Variants in ACTR3 observed in about 807,000 individuals in gnomAD.
ACTR3 encodes actin related protein 3.
Under a neutral mutation model 56.8 loss-of-function variants are expected in ACTR3, and 12 were observed. The observed-to-expected ratio is 0.21, with a 90% confidence interval of 0.14 to 0.34. The LOEUF (loss-of-function observed/expected upper bound fraction) is 0.34, where lower values mean the gene tolerates loss of function less well. ACTR3 is among the 10% of genes least tolerant of loss of function. The probability of loss-of-function intolerance (pLI) is 1.00; values close to 1 mark genes in which losing one functional copy is unlikely to be tolerated. For synonymous variants in ACTR3, 162 were observed against 167.4 expected (o/e 0.97, Z 0.25); for missense variants, 282 against 512.5 (o/e 0.55, Z 4.34).
Position 113,890,230 on chromosome 2 carries a change from T to G in ACTR3, c.-50T>G. On this transcript the variant is annotated 5_prime_UTR_variant, in exon 1 of 12. Transcript: ENST00000263238. Reference sequence around the variant, plus strand: ...TCTCCCGCCGCCAATCTCTGGCCCCTAGCAGCACGGAGCAGACGGCGGCAG... The same window carrying G: ...TCTCCCGCCGCCAATCTCTGGCCCCGAGCAGCACGGAGCAGACGGCGGCAG... The G allele has an allele frequency of 6.5e-7, 1 of 1,550,154 alleles. No homozygotes were observed. The highest frequency in any genetic ancestry group is 8.7e-7 in the Non-Finnish European group (1 of 1,146,534).
At chr2:113,933,188 A>G (rs1033702224) in intron 5 of ACTR3, among the ~76,000 whole-genome samples, 2 of 152,196 alleles carry the variant, frequency 1.3e-5, no homozygotes, top group Admixed American at 6.5e-5. Context: ...TGTATGTCAT[A>G]TAGTCCTAAA....
intron 2 of ACTR3, among the ~76,000 whole-genome samples, chr2:113,915,623 C>T (rs1679390804): frequency 1.3e-5 from 2 of 152,128 alleles, no homozygotes; most frequent in South Asian, 4.1e-4. Context: ...TTTCTGCCAT[C>T]TTAGCAAAAT....
chr2:113,916,996 A>G lies in ACTR3; in HGVS notation c.213A>G (p.Thr71=). The G allele has an allele frequency of 6.2e-7, 1 of 1,605,068 alleles. No homozygotes were observed. The highest frequency in any genetic ancestry group is 8.5e-7 in the Non-Finnish European group (1 of 1,176,010). ...GTGATGAAGCAATAGAAAAACCTAC[A>G]TATGCAACAAAGGTATGTTTTTATG... ...FIGDEAIEKP[T]YATKWPIRHG... is the part of the protein sequence containing the mutation. Residue 71 remains threonine, a synonymous_variant, in exon 3 of 12, where the codon ACA becomes ACG. Coordinates refer to ENST00000263238, the MANE Select transcript of ACTR3 (RefSeq NM_005721.5).
intron 1 of ACTR3, among the ~76,000 whole-genome samples, chr2:113,892,993 G>T (rs1466323758): frequency 6.6e-6 from 1 of 152,080 alleles, no homozygotes; most frequent in Non-Finnish European, 1.5e-5. Context: ...ATTTTGAAAA[G>T]AATTTGAAAA....
intron 3 of ACTR3, among the ~76,000 whole-genome samples, chr2:113,923,275 C>G (rs1169083807): frequency 6.6e-6 from 1 of 152,066 alleles, no homozygotes; most frequent in Non-Finnish European, 1.5e-5. Flanking sequence ...ATTTGTCTTT[C>G]TTTTGCAGGA....
In ACTR3 at chr2:113,961,948, C is replaced by T. The variant is rs1217446978; in HGVS notation, c.*4493C>T. 2.6e-5 allele frequency: 4 copies of T among 152,016 alleles called. No individual in the cohort carries two copies. The highest frequency in any genetic ancestry group is 2.1e-4 in the South Asian group (1 of 4,826). 9.4% of individuals were successfully genotyped at this position (152,016 alleles called of 1,614,324 possible). ...CATCCAACAACAGATGAAAGTAATT[C>T]GACAGTAGCATCTGCTTTATTCATT... On this transcript the variant is annotated 3_prime_UTR_variant, in exon 12 of 12. Coordinates refer to ENST00000263238, the MANE Select transcript of ACTR3 (RefSeq NM_005721.5).
intron 8 of ACTR3, among the ~76,000 whole-genome samples, chr2:113,947,880 T>C (rs1453835824): frequency 1.3e-5 from 2 of 152,234 alleles, no homozygotes; most frequent in Admixed American, 1.3e-4. Flanking sequence ...ATAAGTAATT[T>C]CTTCTATGAG....
chr2:113,933,218 A>T (rs1010476802), intron 5 of ACTR3, among the ~76,000 whole-genome samples: 5 of 152,154 alleles, frequency 3.3e-5, no homozygotes, highest in African/African-American at 1.2e-4. Context: ...CCTTAAAAAA[A>T]TTTGAAGGTA....
At position 113,957,606 on chromosome 2, in the gene ACTR3, T is replaced by G; in HGVS notation, c.*151T>G. 1 of 569,548 alleles carries G rather than the reference T, an allele frequency of 1.8e-6. No individual in the cohort carries two copies. The highest frequency in any genetic ancestry group is 3.2e-6 in the Non-Finnish European group (1 of 315,980). The allele number at this position is 569,548 out of a possible 1,614,324, so 35.3% of individuals were successfully genotyped here. ...TTATACAGGAATATTTTAATAAGTGTATCACCATGCAGATGTAGAAGAGAG... is the reference window on the plus strand; with the variant it reads ...TTATACAGGAATATTTTAATAAGTGGATCACCATGCAGATGTAGAAGAGAG... On this transcript the variant is annotated 3_prime_UTR_variant, in exon 12 of 12. Transcript: ENST00000263238.
rs575067340 is a variant in ACTR3 at position 113,890,668 on chromosome 2, C to T, written c.44+345C>T. 3.4e-5 allele frequency: 40 copies of T among 1,186,204 alleles called. No homozygotes were observed. In the South Asian group the frequency reaches 1.1e-3, roughly 32 times the overall value. 73.5% of individuals were successfully genotyped at this position (1,186,204 alleles called of 1,614,324 possible). A position where few individuals can be genotyped will look rare whatever the true frequency, so the allele number is the denominator to read the frequency against. On this transcript the variant is annotated intron_variant, in intron 1 of 11. Coordinates refer to ENST00000263238, the MANE Select transcript of ACTR3 (RefSeq NM_005721.5). ...TTGGGGGTGGTCCCCGGGCCCGACCCATCCGGCTTTCCTTTCCCTCCGCGC... is the reference window on the plus strand; with the variant it reads ...TTGGGGGTGGTCCCCGGGCCCGACCTATCCGGCTTTCCTTTCCCTCCGCGC...
At chr2:113,949,876 T>C (rs191618074) in intron 8 of ACTR3, among the ~76,000 whole-genome samples, 4 of 152,338 alleles carry the variant, frequency 2.6e-5, no homozygotes, top group Non-Finnish European at 4.4e-5. Context: ...AGTTGTTTTT[T>C]GTTTTTGTTT....
intron 1 of ACTR3, chr2:113,905,133 A>G (rs931045225): frequency 1.3e-5 from 2 of 152,182 alleles, no homozygotes; most frequent in Admixed American, 6.5e-5. Context: ...TATAAACTAT[A>G]TCACATTTTC....
chr2:113,949,271 GGGAGGCTGA>G (rs1559489927), intron 8 of ACTR3, among the ~76,000 whole-genome samples: 1 of 150,594 alleles, frequency 6.6e-6, no homozygotes, highest in Non-Finnish European at 1.5e-5. Context: ...CCAGCTACTC[GGGAGGCTGA>G]GGTAGGAGAA....
At chr2:113,944,435 A>G (rs1293125839) in intron 8 of ACTR3, among the ~76,000 whole-genome samples, 1 of 151,944 alleles carries the variant, frequency 6.6e-6, no homozygotes, top group Non-Finnish European at 1.5e-5. Context: ...GTTCATCATC[A>G]TAGTTCATAG....
intron 11 of ACTR3, among the ~76,000 whole-genome samples, 191 bp from the exon 12 acceptor site, chr2:113,957,169 C>T (rs759296351): frequency 1.3e-5 from 2 of 152,058 alleles, no homozygotes; most frequent in East Asian, 1.9e-4. Context: ...TTTGGAGTTC[C>T]GATAAAGATT....
Position 113,895,796 on chromosome 2 carries a change from C to T in ACTR3, c.44+5473C>T, listed in dbSNP as rs534535710. Among the ~76,000 whole-genome samples the T allele has an allele frequency of 7.2e-4, 109 of 152,294 alleles. 2 individuals are homozygous for T. The South Asian group carries it at 0.022, about 30-fold the overall frequency. On this transcript the variant is annotated intron_variant, in intron 1 of 11. Coordinates refer to ENST00000263238, the MANE Select transcript of ACTR3 (RefSeq NM_005721.5). ...CTTAATAGCTATATGACTTTATACA[C>T]TTCAACCTCTGCAGGTCTTATTTCT...
intron 8 of ACTR3, among the ~76,000 whole-genome samples, chr2:113,944,554 C>T (rs149702117): frequency 0.044 from 5,963 of 136,404 alleles, 443 homozygotes; most frequent in African/African-American, 0.15. Flanking sequence ...CGAGACCATC[C>T]TGGCTAATAT....
intron 6 of ACTR3, among the ~76,000 whole-genome samples, chr2:113,938,602 T>C (rs1679869408): frequency 6.6e-6 from 1 of 152,236 alleles, no homozygotes; most frequent in Non-Finnish European, 1.5e-5. Context: ...TGAAAACATC[T>C]TTCAACTTTG....
chr2:113,927,875 C>T (rs569656823), intron 4 of ACTR3, among the ~76,000 whole-genome samples: 16 of 152,110 alleles, frequency 1.1e-4, no homozygotes, highest in Non-Finnish European at 1.0e-4. Context: ...CTTAAAAAAT[C>T]AAATGACTTT....
Sources: gnomAD v4.1 joint callset for allele counts (sites outside exome capture counted in the v4.1 genomes callset) on GRCh38, gnomAD v4.1.1 for gene constraint, MANE v1.5 for transcripts, NCBI Gene and HGNC (gene_info 2026-07-23, HGNC 2026-07-21) for gene names.